DNAH3: variants seen among roughly 807,000 people sequenced by gnomAD.
DNAH3 encodes axonemal beta dynein heavy chain 3.
DNAH3 carries 332 observed loss-of-function variants against 432.5 expected under a neutral mutation model. The ratio of observed to expected loss-of-function variants is 0.77; its 90% CI spans 0.70 to 0.84. The LOEUF (loss-of-function observed/expected upper bound fraction) is 0.84. DNAH3 is among the 40% of genes least tolerant of loss of function. The probability of loss-of-function intolerance (pLI) is 0.00; values close to 1 mark genes in which losing one functional copy is unlikely to be tolerated. For synonymous variants in DNAH3, 1,956 were observed against 1,900.2 expected (o/e 1.03, Z -0.76); for missense variants, 4,861 against 5,114.0 (o/e 0.95, Z 1.51).
chr16:21,039,904 C>G lies in DNAH3; in HGVS notation c.4678G>C (p.Ala1560Pro), dbSNP rs12927175. The change falls in exon 33 of 62, where the codon GCC (alanine) becomes CCC (proline). Residue 1560 changes from alanine (A) to proline (P), a missense_variant. Transcript: ENST00000261383. ...TAGAGGGAGATTTCTCCAATGAGGG[C>G]GTAATCTGGGACCATCATGGCCACT... 4.3e-6 allele frequency: 7 copies of G among 1,613,488 alleles called. No individual in the cohort carries two copies. The Admixed American group carries it at 1.2e-4, about 27-fold the overall frequency.
chr16:21,107,356 C>G (rs2091972193), intron 14 of DNAH3, among the ~76,000 whole-genome samples: 1 of 150,488 alleles, frequency 6.6e-6, no homozygotes, highest in Non-Finnish European at 1.5e-5. Flanking sequence ...TCTCCTGCCT[C>G]AGCCTCCCGA....
At chr16:21,039,723 C>G in intron 33 of DNAH3, 129 bp downstream of exon 33, 1 of 783,232 alleles carries the variant, frequency 1.3e-6, no homozygotes, top group Non-Finnish European at 2.3e-6. Context: ...CTCAGACCAC[C>G]CAGTAAGCAG....
At chr16:21,059,283 G>A (rs2090256358) in intron 26 of DNAH3, among the ~76,000 whole-genome samples, 1 of 152,128 alleles carries the variant, frequency 6.6e-6, no homozygotes, top group African/African-American at 2.4e-5. Flanking sequence ...GATTTGATTT[G>A]GATGAAATAA....
At chr16:20,985,353 G>T (rs756582607) in exon 48 of DNAH3, 7 of 1,614,104 alleles carry the variant, frequency 4.3e-6, no homozygotes, top group Non-Finnish European at 5.9e-6. Flanking sequence ...TGCCTGCGTA[G>T]TTCTTGGTGA....
chr16:21,141,150 T>G, intron 4 of DNAH3, 150 bp downstream of exon 5: 1 of 493,000 alleles, frequency 2.0e-6, no homozygotes, highest in East Asian at 3.8e-5. Context: ...AAAAAAAAAA[T>G]TTTTTTTTTG....
intron 23 of DNAH3, among the ~76,000 whole-genome samples, chr16:21,068,216 C>T (rs1391990062): frequency 6.6e-6 from 1 of 152,188 alleles, no homozygotes; most frequent in African/African-American, 2.4e-5. Flanking sequence ...TACCATCCTT[C>T]AAGGCTTGAT....
chr16:21,060,526 C>CTTTTTTTTTTTTTT (rs375746116), intron 25 of DNAH3, among the ~76,000 whole-genome samples, 170 bp from the exon 26 acceptor site: 1 of 93,420 alleles, frequency 1.1e-5, no homozygotes, highest in Non-Finnish European at 2.0e-5. Flanking sequence ...TTTTTTTTTT[C>CTTTTTTTTTTTTTT]TTTTTTTTTT....
At chr16:21,083,519 T>G (rs2091264819) in intron 19 of DNAH3, among the ~76,000 whole-genome samples, 1 of 152,222 alleles carries the variant, frequency 6.6e-6, no homozygotes. Flanking sequence ...ATTTGTGGCT[T>G]CCATTTCGTT....
At chr16:21,060,173 G>T (rs528128885) in intron 26 of DNAH3, 91 bp downstream of exon 26, 42 of 1,040,646 alleles carry the variant, frequency 4.0e-5, no homozygotes, top group Non-Finnish European at 5.8e-5. Flanking sequence ...AAAGCAGAGG[G>T]TCCAGCCAAA....
At position 21,061,548 on chromosome 16, in the gene DNAH3, T is replaced by C. The variant is rs764142437; in HGVS notation, c.3720+934A>G. On this transcript the variant is annotated intron_variant, in intron 25 of 61. Transcript: ENST00000261383. ...CCATTTTTAATACGCATTACTTTCA[T>C]GTCATTTTCTGAAACAGACAACTTC... Among the ~76,000 whole-genome samples, 85 of 152,218 alleles carry C rather than the reference T, an allele frequency of 5.6e-4. 1 individual carries two copies. Among genetic ancestry groups the C allele is most frequent in the Non-Finnish European group, 1.9e-4 (13 of 68,032 alleles).
At chr16:21,153,882 G>T (rs1312054292) in intron 1 of DNAH3, among the ~76,000 whole-genome samples, 2 of 152,182 alleles carry the variant, frequency 1.3e-5, no homozygotes, top group Non-Finnish European at 2.9e-5. Flanking sequence ...TTTCCTCAAA[G>T]TTGGGCTTTC....
chr16:20,935,273 TG>T, intron 61 of DNAH3, 74 bp downstream of exon 61: 1 of 1,569,612 alleles, frequency 6.4e-7, no homozygotes, highest in African/African-American at 1.4e-5. Context: ...CCACATTTTT[TG>T]ACTCATAAGG....
intron 54 of DNAH3, among the ~76,000 whole-genome samples, chr16:20,955,582 G>C (rs1227653046): frequency 6.6e-6 from 1 of 151,906 alleles, no homozygotes; most frequent in Admixed American, 6.6e-5. Flanking sequence ...TTACAGGTGT[G>C]AGTCCCCGTG....
rs1410954147 is a variant in DNAH3, at chr16:21,013,732, A to AC, written c.6022+5891_6022+5892insG. ...GAAACTCCATCTCAAAAAAAAAAAA[A>AC]AAAAAAAACTAAAAAAATGAAAGAC... is the stretch of plus-strand genomic sequence containing the variant. On this transcript the variant is annotated intron_variant, in intron 41 of 61. Coordinates refer to ENST00000261383, the Ensembl canonical transcript of DNAH3. 2.1e-3 allele frequency among the ~76,000 whole-genome samples: 322 copies of AC among 151,454 alleles called. 2 individuals carry two copies. Among genetic ancestry groups the AC allele is most frequent in the African/African-American group, 7.3e-3 (303 of 41,392 alleles).
At chr16:20,988,967 G>A (rs1369302694) in intron 44 of DNAH3, among the ~76,000 whole-genome samples, 1 of 151,562 alleles carries the variant, frequency 6.6e-6, no homozygotes, top group Non-Finnish European at 1.5e-5. Flanking sequence ...GGTCTCGCTG[G>A]CTTCAAGAGT....
chr16:20,985,386 T>TA lies in DNAH3; in HGVS notation c.7355_7356insT (p.Tyr2453IlefsTer7). ...TGATCTCAATCTGGTATAGCTCGTA[T>TA]GCGTTCATGAATGTGGACAGTTTGG... is the stretch of plus-strand genomic sequence containing the variant. On this transcript the variant is annotated frameshift_variant, in exon 48 of 62. Transcript: ENST00000261383. LOFTEE classifies it high-confidence loss of function. 12 of 1,614,188 alleles carry TA rather than the reference T, an allele frequency of 7.4e-6. No individual in the cohort carries two copies. Among genetic ancestry groups the TA allele is most frequent in the Non-Finnish European group, 1.0e-5 (12 of 1,180,016 alleles).
rs530155560 is a variant in DNAH3, at chr16:21,141,152, T to G, written c.521+148A>C. ...AGACTCCATCTCAAAAAAAAAAATT[T>G]TTTTTTTGATTAAAGTGATTCGTGG... On this transcript the variant is annotated intron_variant, in intron 4 of 61. Transcript: ENST00000261383. The G allele has an allele frequency of 2.4e-4, 160 of 659,062 alleles. 1 individual carries two copies. In the Middle Eastern group the frequency reaches 2.5e-3, roughly 10 times the overall value. 40.8% of individuals were successfully genotyped at this position (659,062 alleles called of 1,614,324 possible). A position where few individuals can be genotyped will look rare whatever the true frequency, so the allele number is the denominator to read the frequency against.
exon 48 of DNAH3, chr16:20,985,078 C>G (rs2086123170): frequency 1.2e-6 from 2 of 1,609,484 alleles, no homozygotes; most frequent in African/African-American, 2.7e-5. Flanking sequence ...CTTTCTCACC[C>G]TCTCAATAAA....
At chr16:21,147,680 C>A (rs1436056168) in intron 1 of DNAH3, among the ~76,000 whole-genome samples, 2 of 152,202 alleles carry the variant, frequency 1.3e-5, no homozygotes, top group Non-Finnish European at 2.9e-5. Flanking sequence ...CCATTCCAAC[C>A]AGTGAGTGCA....
Sources: allele counts gnomAD v4.1 joint callset (sites outside exome capture counted in the v4.1 genomes callset), GRCh38; gene constraint gnomAD v4.1.1; transcripts MANE v1.5; gene names NCBI Gene and HGNC (gene_info 2026-07-23, HGNC 2026-07-21).